The following ADRA1B variants were observed in gnomAD, a reference collection of about 807,000 sequenced individuals.
ADRA1B encodes the protein adrenoceptor alpha 1B.
A neutral mutation model predicts 17.9 loss-of-function variants in ADRA1B; 17 were observed. The observed-to-expected ratio is 0.95, with a 90% confidence interval of 0.65 to 1.42. The LOEUF (loss-of-function observed/expected upper bound fraction) is 1.42. Among genes scored for constraint, ADRA1B ranks in the 40% most tolerant of loss-of-function variants. The pLI, the probability that ADRA1B is intolerant of heterozygous loss-of-function variation, is 0.00. For missense variants in ADRA1B, 681 were observed against 722.1 expected (o/e 0.94, Z 0.65); for synonymous variants, 366 against 327.6 (o/e 1.12, Z -1.27).
At chr5:159,974,997 A>T (rs1478729606), downstream of ADRA1B, among the ~76,000 whole-genome samples, 1 of 152,152 alleles carries the variant, frequency 6.6e-6, no homozygotes. Flanking sequence ...CTCTGCTACC[A>T]TCCTGTAGTT....
At chr5:159,879,869 G>A (rs571520783) in intron 1 of ADRA1B, among the ~76,000 whole-genome samples, 5 of 152,154 alleles carry the variant, frequency 3.3e-5, no homozygotes, top group South Asian at 2.1e-4. Flanking sequence ...GGTGGCGGGC[G>A]CCTGTAATCC....
intron 1 of ADRA1B, chr5:159,868,486 G>A (rs1307299245): frequency 6.6e-6 from 1 of 152,210 alleles, no homozygotes; most frequent in African/African-American, 2.4e-5. Flanking sequence ...GAGAATCAGT[G>A]TTGAAAACTT....
At chr5:159,964,769 A>G (rs940540363) in intron 1 of ADRA1B, among the ~76,000 whole-genome samples, 6 of 152,226 alleles carry the variant, frequency 3.9e-5, no homozygotes, top group Admixed American at 3.3e-4. Context: ...ATGCCCACAC[A>G]GCACATAGAC....
At chr5:159,908,640 T>C (rs545676673) in intron 1 of ADRA1B, among the ~76,000 whole-genome samples, 3 of 152,274 alleles carry the variant, frequency 2.0e-5, no homozygotes, top group Admixed American at 6.5e-5. Context: ...CCTTTCTTCT[T>C]TATAGACTAT....
chr5:159,883,480 A>T (rs1161144918), intron 1 of ADRA1B, among the ~76,000 whole-genome samples: 1 of 152,156 alleles, frequency 6.6e-6, no homozygotes, highest in African/African-American at 2.4e-5. Flanking sequence ...TTAAAGGGCA[A>T]CTCTTGTTGT....
At chr5:159,962,216 A>G (rs561623405) in intron 1 of ADRA1B, among the ~76,000 whole-genome samples, 2 of 152,156 alleles carry the variant, frequency 1.3e-5, no homozygotes, top group Non-Finnish European at 2.9e-5. Flanking sequence ...AAGAATATGT[A>G]AAGAATAAAA....
the ADRA1B span, among the ~76,000 whole-genome samples, chr5:159,981,218 G>A: frequency 6.6e-6 from 1 of 152,118 alleles, no homozygotes; most frequent in East Asian, 1.9e-4. Context: ...TTTTGATTTG[G>A]AGAATTACTT....
At chr5:159,890,642 C>A (rs752260027) in intron 1 of ADRA1B, among the ~76,000 whole-genome samples, 83 of 152,280 alleles carry the variant, frequency 5.5e-4, no homozygotes, top group Non-Finnish European at 1.1e-3. Context: ...TCAAGTCAAA[C>A]CCCCGCACAT....
intron 1 of ADRA1B, among the ~76,000 whole-genome samples, chr5:159,962,669 C>CTTTTTT (rs113639158): frequency 8.0e-6 from 1 of 124,880 alleles, no homozygotes; most frequent in Non-Finnish European, 1.7e-5. Flanking sequence ...TGTTTTTCAG[C>CTTTTTT]TTTTTTTTTT....
chr5:159,972,318 C>T lies in ADRA1B; in HGVS notation c.1389C>T (p.Gly463=). Reference sequence around the variant, plus strand: ...GCCTGCCCGCGCCTGAGCCCCCCGGCCGCCGCGGCCGCCACGACTCGGGCC... The same window carrying T: ...GCCTGCCCGCGCCTGAGCCCCCCGGTCGCCGCGGCCGCCACGACTCGGGCC... The part of the protein sequence containing the change: ...LLSLPAPEPP[G]RRGRHDSGPL... The change falls in exon 2 of 2, where the codon GGC becomes GGT. Residue 463 remains glycine (G), a synonymous_variant. Coordinates refer to ENST00000306675, the MANE Select transcript of ADRA1B (RefSeq NM_000679.4). The T allele has an allele frequency of 1.4e-6, 2 of 1,432,626 alleles. No individual in the cohort carries two copies. The highest frequency in any genetic ancestry group is 1.4e-5 in the South Asian group (1 of 70,806). The allele number at this position is 1,432,626 out of a possible 1,614,324, so 88.7% of individuals were successfully genotyped here.
At chr5:159,950,728 A>C in intron 1 of ADRA1B, 1 of 660,846 alleles carries the variant, frequency 1.5e-6, no homozygotes, top group Non-Finnish European at 2.8e-6. Context: ...CACCTTCTTA[A>C]TGTCATCATA....
intron 1 of ADRA1B, among the ~76,000 whole-genome samples, chr5:159,957,895 C>A (rs1416173834): frequency 6.9e-6 from 1 of 143,966 alleles, no homozygotes; most frequent in African/African-American, 2.6e-5. Context: ...CACCATTGCA[C>A]CCCAGCCTGG....
chr5:159,979,665 C>T, the ADRA1B span, among the ~76,000 whole-genome samples: 6 of 151,998 alleles, frequency 3.9e-5, no homozygotes, highest in South Asian at 2.1e-4. Flanking sequence ...GTCAGGAGTT[C>T]GAGACCAGAC....
At chr5:159,939,909 G>A (rs1414737941) in intron 1 of ADRA1B, among the ~76,000 whole-genome samples, 1 of 152,142 alleles carries the variant, frequency 6.6e-6, no homozygotes, top group African/African-American at 2.4e-5. Flanking sequence ...GATTCCCCAG[G>A]CAGTGGCTAC....
chr5:159,874,387 C>T (rs1175308707), intron 1 of ADRA1B, among the ~76,000 whole-genome samples: 2 of 152,214 alleles, frequency 1.3e-5, no homozygotes, highest in African/African-American at 4.8e-5. Context: ...GCTACTGAAG[C>T]TCTGTAGAGC....
At chr5:159,891,284 C>G (rs1240206040) in intron 1 of ADRA1B, among the ~76,000 whole-genome samples, 1 of 152,194 alleles carries the variant, frequency 6.6e-6, no homozygotes, top group Non-Finnish European at 1.5e-5. Flanking sequence ...TCCAAGATGA[C>G]TTTTCTGATG....
chr5:159,948,083 C>A (rs369491362), intron 1 of ADRA1B: 1 of 985,416 alleles, frequency 1.0e-6, no homozygotes, highest in East Asian at 1.1e-4. Context: ...GACTGCAGAC[C>A]GATTTTCATA....
chr5:159,943,553 T>C (rs1755191510), intron 1 of ADRA1B, among the ~76,000 whole-genome samples: 1 of 152,066 alleles, frequency 6.6e-6, no homozygotes, highest in South Asian at 2.1e-4. Flanking sequence ...ACTTCCACCC[T>C]GTGTAACCCG....
chr5:159,979,660 G>T, the ADRA1B span, among the ~76,000 whole-genome samples: 1 of 152,116 alleles, frequency 6.6e-6, no homozygotes, highest in African/African-American at 2.4e-5. Flanking sequence ...CGGAGGTCAG[G>T]AGTTCGAGAC....
Sources: allele counts gnomAD v4.1 joint callset (sites outside exome capture counted in the v4.1 genomes callset), GRCh38; gene constraint gnomAD v4.1.1; transcripts MANE v1.5; gene names NCBI Gene and HGNC (gene_info 2026-07-23, HGNC 2026-07-21).